Variants in SLAIN2 observed in about 807,000 individuals in gnomAD.
SLAIN2 encodes the protein SLAIN family member 2.
Under a neutral mutation model 56.6 loss-of-function variants are expected in SLAIN2, and 31 were observed. The ratio of observed to expected loss-of-function variants is 0.55; its 90% CI spans 0.41 to 0.74. The LOEUF is 0.74. SLAIN2 is among the 30% of genes least tolerant of loss of function. The pLI is 0.00. For missense variants in SLAIN2, 777 were observed against 754.2 expected, an observed-to-expected ratio of 1.03 and a Z score of -0.35; for synonymous variants, 317 against 284.9, an observed-to-expected ratio of 1.11 and a Z score of -1.13.
chr4:48,400,923 C>T (rs75998747), intron 6 of SLAIN2, among the ~76,000 whole-genome samples: 4,528 of 152,176 alleles, frequency 0.03, 74 homozygotes, highest in Admixed American at 0.046. Context: ...GTGATGTCAG[C>T]ATTTAGTGCC....
chr4:48,343,403 C>G (rs1356670872), intron 1 of SLAIN2, among the ~76,000 whole-genome samples: 2 of 152,210 alleles, frequency 1.3e-5, no homozygotes, highest in Non-Finnish European at 2.9e-5. Context: ...ACTCTTAAGC[C>G]TAGTTACTTA....
At position 48,425,494 on chromosome 4, in the gene SLAIN2, T is replaced by G. The variant is rs1247006818; in HGVS notation, c.*3417T>G. 6.6e-6 allele frequency: 1 copy of G among 152,188 alleles called. No homozygotes were observed. The highest frequency in any genetic ancestry group is 1.5e-5 in the Non-Finnish European group (1 of 68,008). The allele number at this position is 152,188 out of a possible 1,614,324, so 9.4% of individuals were successfully genotyped here. Reference sequence around the variant, plus strand: ...AAATCAAGAATTGTACACTGTTTAATGAGTTCTCCATATTCCTTTAGGAGA... The same window carrying G: ...AAATCAAGAATTGTACACTGTTTAAGGAGTTCTCCATATTCCTTTAGGAGA... On this transcript the variant is annotated 3_prime_UTR_variant, in exon 8 of 8. Coordinates refer to ENST00000264313, the MANE Select transcript of SLAIN2 (RefSeq NM_020846.2).
Position 48,369,700 on chromosome 4 carries a change from C to G in SLAIN2, c.390-149C>G, listed in dbSNP as rs539720168. 8.1e-6 allele frequency: 5 copies of G among 615,642 alleles called. No homozygotes were observed. In the South Asian group the frequency reaches 1.8e-4, roughly 22 times the overall value. The allele number at this position is 615,642 out of a possible 1,614,324, so 38.1% of individuals were successfully genotyped here. ...TTGATTGTTTTACTATAATTTTCTTCCTGTGCAGTAAGTAAATGTGGGTGA... is the reference window on the plus strand; with the variant it reads ...TTGATTGTTTTACTATAATTTTCTTGCTGTGCAGTAAGTAAATGTGGGTGA... On this transcript the variant is annotated intron_variant, in intron 1 of 7. Transcript: ENST00000264313.
chr4:48,361,603 G>T (rs1715329403), intron 1 of SLAIN2, among the ~76,000 whole-genome samples: 1 of 151,696 alleles, frequency 6.6e-6, no homozygotes, highest in South Asian at 2.1e-4. Context: ...GGCAAGTCCA[G>T]AGATTTGCAA....
At chr4:48,404,862 A>G (rs141040484) in intron 6 of SLAIN2, among the ~76,000 whole-genome samples, 206 of 152,326 alleles carry the variant, frequency 1.4e-3, no homozygotes, top group Middle Eastern at 3.4e-3. Flanking sequence ...CCACATGTTT[A>G]TAAATGAGTC....
chr4:48,400,701 CCTTTT>C (rs1372058421), intron 6 of SLAIN2, among the ~76,000 whole-genome samples: 11 of 151,580 alleles, frequency 7.3e-5, no homozygotes, highest in Admixed American at 7.2e-4. Flanking sequence ...GTGCCTGGTC[CCTTTT>C]CTTCTTTATT....
chr4:48,354,492 A>C (rs933771546), intron 1 of SLAIN2, among the ~76,000 whole-genome samples: 1 of 151,562 alleles, frequency 6.6e-6, no homozygotes, highest in Admixed American at 6.6e-5. Flanking sequence ...CCTCAGGCTG[A>C]GTCTCGCTGT....
chr4:48,347,397 C>T (rs565385), intron 1 of SLAIN2, among the ~76,000 whole-genome samples: 34,539 of 147,766 alleles, frequency 0.23, 4,793 homozygotes, highest in Middle Eastern at 0.34. Flanking sequence ...AGGCGCGTGA[C>T]ACCATGCCTG....
At chr4:48,397,840 CT>C (rs1483537086) in intron 6 of SLAIN2, among the ~76,000 whole-genome samples, 1 of 152,158 alleles carries the variant, frequency 6.6e-6, no homozygotes, top group East Asian at 1.9e-4. Flanking sequence ...TGAACTCTTT[CT>C]TTCTTATGGC....
intron 1 of SLAIN2, among the ~76,000 whole-genome samples, chr4:48,366,605 A>AT (rs548287239): frequency 1.3e-3 from 200 of 152,006 alleles, no homozygotes; most frequent in African/African-American, 4.5e-3. Context: ...TCATGGTCTT[A>AT]TTTTTTCCCA....
intron 6 of SLAIN2, among the ~76,000 whole-genome samples, chr4:48,391,049 T>A (rs747908742): frequency 6.6e-6 from 1 of 152,236 alleles, no homozygotes; most frequent in Admixed American, 6.5e-5. Context: ...TTTTTCAGTG[T>A]CTTCGCAGTT....
At chr4:48,394,580 G>A (rs1454319582) in intron 6 of SLAIN2, 10 of 1,535,502 alleles carry the variant, frequency 6.5e-6, no homozygotes, top group South Asian at 2.4e-5. Flanking sequence ...CAACAGCTTC[G>A]CAAAGGCTGA....
rs902357287 is a variant in SLAIN2, at chr4:48,422,541, C to T, written c.*464C>T. The T allele has an allele frequency of 6.5e-6, 1 of 152,976 alleles. No individual in the cohort carries two copies. The highest frequency in any genetic ancestry group is 2.4e-5 in the African/African-American group (1 of 41,414). The allele number at this position is 152,976 out of a possible 1,614,324, so 9.5% of individuals were successfully genotyped here. On this transcript the variant is annotated 3_prime_UTR_variant, in exon 8 of 8. Coordinates refer to ENST00000264313, the MANE Select transcript of SLAIN2 (RefSeq NM_020846.2). The stretch of plus-strand genomic sequence containing the variant: ...GTGTTAATGAGAACTAATATTCTGA[C>T]TAATTATCTAAAGTGTTTCACTAGT...
At chr4:48,353,218 A>G (rs1715058446) in intron 1 of SLAIN2, among the ~76,000 whole-genome samples, 1 of 152,180 alleles carries the variant, frequency 6.6e-6, no homozygotes, top group Non-Finnish European at 1.5e-5. Context: ...ACTACTTGAG[A>G]GTCAATGGAG....
At chr4:48,364,817 A>T in intron 1 of SLAIN2, among the ~76,000 whole-genome samples, 1 of 133,746 alleles carries the variant, frequency 7.5e-6, no homozygotes, top group Non-Finnish European at 1.6e-5. Flanking sequence ...TGGCAGCAGT[A>T]CAGTCCAGCT....
chr4:48,368,658 A>G (rs1425222050), intron 1 of SLAIN2, among the ~76,000 whole-genome samples: 1 of 152,202 alleles, frequency 6.6e-6, no homozygotes, highest in African/African-American at 2.4e-5. Flanking sequence ...CAGTATTTAA[A>G]TTGGAAAGAG....
In SLAIN2 at chr4:48,422,524, G is replaced by A. The variant is rs1717184984; in HGVS notation, c.*447G>A. Reference sequence around the variant, plus strand: ...AGTATCAATAAATATTTGTGTTAATGAGAACTAATATTCTGACTAATTATC... The same window carrying A: ...AGTATCAATAAATATTTGTGTTAATAAGAACTAATATTCTGACTAATTATC... On this transcript the variant is annotated 3_prime_UTR_variant, in exon 8 of 8. Transcript: ENST00000264313. 6.4e-6 allele frequency: 1 copy of A among 155,162 alleles called. No individual in the cohort carries two copies. Among genetic ancestry groups the A allele is most frequent in the South Asian group, 2.0e-4 (1 of 5,064 alleles). The allele number at this position is 155,162 out of a possible 1,614,324, so 9.6% of individuals were successfully genotyped here. A position where few individuals can be genotyped will look rare whatever the true frequency, so the allele number is the denominator to read the frequency against.
intron 6 of SLAIN2, among the ~76,000 whole-genome samples, chr4:48,396,815 T>C (rs1251631665): frequency 6.6e-6 from 1 of 152,192 alleles, no homozygotes; most frequent in Non-Finnish European, 1.5e-5. Context: ...ATTGGAAATA[T>C]AGTCACTTTG....
At chr4:48,395,288 T>C (rs1366191748) in intron 6 of SLAIN2, among the ~76,000 whole-genome samples, 1 of 151,942 alleles carries the variant, frequency 6.6e-6, no homozygotes, top group African/African-American at 2.4e-5. Flanking sequence ...AACAGAGGCC[T>C]CAAAGGAAAT....
Sources: gnomAD v4.1 joint callset for allele counts (sites outside exome capture counted in the v4.1 genomes callset) on GRCh38, gnomAD v4.1.1 for gene constraint, MANE v1.5 for transcripts, NCBI Gene and HGNC (gene_info 2026-07-23, HGNC 2026-07-21) for gene names.